The following DDX31 variants were observed in gnomAD, a reference collection of about 807,000 sequenced individuals.
The protein encoded by DDX31 is ATP-dependent DNA helicase DDX31.
In DDX31, 70 loss-of-function variants were observed where a neutral mutation model predicts 91.3. The ratio of observed to expected loss-of-function variants is 0.77; its 90% CI spans 0.63 to 0.94. The LOEUF (loss-of-function observed/expected upper bound fraction) is 0.94. Ranked by LOEUF, DDX31 falls within the 40% of genes least tolerant of loss-of-function variation. DDX31 has a pLI of 0.00. For synonymous variants in DDX31, 362 were observed against 350.6 expected (o/e 1.03, Z -0.36); for missense variants, 902 against 925.0 (o/e 0.98, Z 0.32).
chr9:132,633,153 C>G (rs12339819), intron 14 of DDX31, among the ~76,000 whole-genome samples: 5,065 of 152,262 alleles, frequency 0.033, 266 homozygotes, highest in African/African-American at 0.12. Flanking sequence ...TTCGGGGACA[C>G]ACAGCTGGGA....
chr9:132,648,822 T>C (rs1834001690), intron 9 of DDX31, among the ~76,000 whole-genome samples: 1 of 152,200 alleles, frequency 6.6e-6, no homozygotes. Flanking sequence ...CCAATGCTCT[T>C]TATCTGACTC....
chr9:132,646,218 A>C, intron 12 of DDX31, 147 bp from the exon 13 acceptor site: 1 of 820,976 alleles, frequency 1.2e-6, no homozygotes, highest in Non-Finnish European at 1.8e-6. Flanking sequence ...AACAAAAACA[A>C]AAACAGTGAT....
At chr9:132,620,925 C>T (rs1057383169) in intron 17 of DDX31, among the ~76,000 whole-genome samples, 3 of 152,198 alleles carry the variant, frequency 2.0e-5, no homozygotes, top group Non-Finnish European at 4.4e-5. Flanking sequence ...CATTTCCAAC[C>T]ATCCATCCGC....
rs950315577 is a variant in DDX31 at position 132,594,858 on chromosome 9, G to C, written c.*8C>G. ...CTTCCAGGTTCCACTCGAAGACCCA[G>C]AGAGATTTTAAACTTTCTGGGAAGT... is the stretch of plus-strand genomic sequence containing the variant. On this transcript the variant is annotated 3_prime_UTR_variant, in exon 20 of 20. Transcript: ENST00000372159. 2 of 1,611,720 alleles carry C rather than the reference G, an allele frequency of 1.2e-6. No individual in the cohort carries two copies. The highest frequency in any genetic ancestry group is 2.2e-5 in the South Asian group (2 of 91,006).
At chr9:132,611,119 T>C (rs1309169378) in intron 19 of DDX31, among the ~76,000 whole-genome samples, 1 of 151,804 alleles carries the variant, frequency 6.6e-6, no homozygotes, top group East Asian at 1.9e-4. Flanking sequence ...CAGCTCAGAG[T>C]GGTTCTGCCT....
At chr9:132,665,610 T>C (rs1564344490) in intron 1 of DDX31, among the ~76,000 whole-genome samples, 1 of 151,552 alleles carries the variant, frequency 6.6e-6, no homozygotes, top group South Asian at 2.1e-4. Context: ...ACTAAAAATC[T>C]AAAATCTACT....
In DDX31 at chr9:132,625,751, AAAGGAAGGGCAC is replaced by A. The variant is rs1564298425; in HGVS notation, c.1632-18_1632-7del. ...CCATCTTAATCTCAGAAACGCTGTA[AAAGGAAGGGCAC>A]AGCAAGGTAACTTTTTGCTCTTTCA... is the stretch of plus-strand genomic sequence containing the variant. On this transcript the variant is annotated splice_polypyrimidine_tract_variant and splice_region_variant and intron_variant, in intron 16 of 19. Transcript: ENST00000372159. 1 of 1,612,522 alleles carries A rather than the reference AAAGGAAGGGCAC, an allele frequency of 6.2e-7. No homozygotes were observed.
At position 132,634,747 on chromosome 9, in the gene DDX31, G is replaced by A. The variant is rs148693269; in HGVS notation, c.1441-2656C>T. Among the ~76,000 whole-genome samples, 15 of 151,842 alleles carry A rather than the reference G, an allele frequency of 9.9e-5. No individual in the cohort carries two copies. The East Asian group carries it at 2.5e-3, about 25-fold the overall frequency. On this transcript the variant is annotated intron_variant, in intron 14 of 19. Coordinates refer to ENST00000372159, the MANE Select transcript of DDX31 (RefSeq NM_022779.9). ...AGCTGGACGACCAGAGGTAAGTTCC[G>A]CCACACCCAGCTAATCTAGACTCTT... is the stretch of plus-strand genomic sequence containing the variant.
intron 6 of DDX31, among the ~76,000 whole-genome samples, chr9:132,654,103 C>G (rs1418396908): frequency 1.3e-5 from 2 of 152,016 alleles, no homozygotes; most frequent in African/African-American, 4.8e-5. Context: ...TGGAATTGTC[C>G]TTTTAACAGA....
At chr9:132,619,329 CA>C (rs1831852293) in intron 17 of DDX31, among the ~76,000 whole-genome samples, 1 of 152,202 alleles carries the variant, frequency 6.6e-6, no homozygotes, top group Admixed American at 6.5e-5. Flanking sequence ...GCCAACCTGC[CA>C]AGTGACACTG....
chr9:132,631,832 C>T (rs911795996), intron 15 of DDX31, among the ~76,000 whole-genome samples: 6 of 152,142 alleles, frequency 3.9e-5, no homozygotes, highest in East Asian at 1.9e-4. Context: ...CTCTCGTGAA[C>T]GCACATTCTG....
At chr9:132,662,052 GA>G (rs1282208142) in intron 3 of DDX31, among the ~76,000 whole-genome samples, 9 of 152,090 alleles carry the variant, frequency 5.9e-5, no homozygotes, top group African/African-American at 1.7e-4. Context: ...GAGGATGGGG[GA>G]AGGGGGGGCC....
At position 132,648,415 on chromosome 9, in the gene DDX31, C is replaced by T; in HGVS notation, c.860+17G>A. The T allele has an allele frequency of 6.2e-7, 1 of 1,612,128 alleles. No homozygotes were observed. The highest frequency in any genetic ancestry group is 8.5e-7 in the Non-Finnish European group (1 of 1,179,264). On this transcript the variant is annotated intron_variant, in intron 10 of 19. Coordinates refer to ENST00000372159, the MANE Select transcript of DDX31 (RefSeq NM_022779.9). ...GCCCTTCTCTTCTACCTGTTATCAT[C>T]CTGGGACGAGGCTCACCTGTCTGCT...
At position 132,610,865 on chromosome 9, in the gene DDX31, A is replaced by C. The variant is rs554260724; in HGVS notation, c.1994+1222T>G. 6.6e-5 allele frequency among the ~76,000 whole-genome samples: 10 copies of C among 152,248 alleles called. No homozygotes were observed. The East Asian group carries it at 1.9e-3, about 29-fold the overall frequency. ...ACGTTAAGAAAAGGGAAGGCCCCAA[A>C]CTCACATCAGAACGGAGCCGACTTC... is the stretch of plus-strand genomic sequence containing the variant. On this transcript the variant is annotated intron_variant, in intron 19 of 19. Coordinates refer to ENST00000372159, the MANE Select transcript of DDX31 (RefSeq NM_022779.9).
chr9:132,663,399 C>T, intron 1 of DDX31: 1 of 985,338 alleles, frequency 1.0e-6, no homozygotes, highest in Non-Finnish European at 1.2e-6. Context: ...TCTCTGAGTC[C>T]CCGAGTCTCT....
intron 17 of DDX31, among the ~76,000 whole-genome samples, chr9:132,624,404 T>C (rs1330117831): frequency 6.6e-6 from 1 of 152,184 alleles, no homozygotes; most frequent in East Asian, 1.9e-4. Context: ...CAGCTTTTAT[T>C]GTTCACAGGG....
At chr9:132,606,354 G>A (rs930788626) in intron 19 of DDX31, among the ~76,000 whole-genome samples, 1 of 152,224 alleles carries the variant, frequency 6.6e-6, no homozygotes, top group Non-Finnish European at 1.5e-5. Context: ...GCTTTACAGG[G>A]AGATGCAGCT....
chr9:132,630,480 T>G (rs1172063379), intron 15 of DDX31, 77 bp from the exon 16 acceptor site: 2 of 1,369,714 alleles, frequency 1.5e-6, no homozygotes, highest in East Asian at 2.5e-5. Flanking sequence ...ACTCCTCACC[T>G]GCCTCCAGGT....
chr9:132,667,605 AAAAAC>A (rs372699370), intron 1 of DDX31, among the ~76,000 whole-genome samples: 5 of 151,452 alleles, frequency 3.3e-5, no homozygotes, highest in Admixed American at 2.0e-4. Context: ...TCCATCTCAA[AAAAAC>A]AAAACAAAAC....
Sources: gnomAD v4.1 joint callset for allele counts (sites outside exome capture counted in the v4.1 genomes callset) on GRCh38, gnomAD v4.1.1 for gene constraint, MANE v1.5 for transcripts, NCBI Gene and HGNC (gene_info 2026-07-23, HGNC 2026-07-21) for gene names.